Variants in GNG11 observed in about 807,000 individuals in gnomAD.
GNG11 encodes the protein G protein subunit gamma 11.
Under a neutral mutation model 7.4 loss-of-function variants are expected in GNG11, and 6 were observed. The ratio of observed to expected loss-of-function variants is 0.81; its 90% confidence interval spans 0.44 to 1.60. The LOEUF is 1.60. GNG11 is among the 40% of genes most tolerant of loss of function. The pLI, the probability that GNG11 is intolerant of heterozygous loss-of-function variation, is 0.01. For missense variants in GNG11, 65 were observed against 83.0 expected (o/e 0.78, Z 0.84); for synonymous variants, 31 against 25.9 (o/e 1.20, Z -0.60).
Position 93,927,744 on chromosome 7 carries a change from C to G in GNG11, c.*1528C>G, listed in dbSNP as rs1028627783. 6.6e-6 allele frequency: 1 copy of G among 152,008 alleles called. No individual in the cohort carries two copies. The highest frequency in any genetic ancestry group is 2.1e-4 in the South Asian group (1 of 4,810). The allele number at this position is 152,008 out of a possible 1,614,324, so 9.4% of individuals were successfully genotyped here. ...CTTTTGAAAAATAGTTTACACAGAC[C>G]AAAAGCAGAAACTATTTCCTTCAGT... is the stretch of plus-strand genomic sequence containing the variant. On this transcript the variant is annotated 3_prime_UTR_variant, in exon 2 of 2. Transcript: ENST00000248564.
Position 93,927,380 on chromosome 7 carries a change from C to A in GNG11, c.*1164C>A, listed in dbSNP as rs375207046. ...GAAGCCCAAACCTCACAAAAAGGGA[C>A]CTTTCTTTCTCACCTTGAGCATTCT... On this transcript the variant is annotated 3_prime_UTR_variant, in exon 2 of 2. Coordinates refer to ENST00000248564, the MANE Select transcript of GNG11 (RefSeq NM_004126.4). 1 of 152,174 alleles carries A rather than the reference C, an allele frequency of 6.6e-6. No homozygotes were observed. The highest frequency in any genetic ancestry group is 1.5e-5 in the Non-Finnish European group (1 of 68,044). The allele number at this position is 152,174 out of a possible 1,614,324, so 9.4% of individuals were successfully genotyped here. A position where few individuals can be genotyped will look rare whatever the true frequency, so the allele number is the denominator to read the frequency against.
chr7:93,926,317 AAGG>A lies in GNG11; in HGVS notation c.*104_*106del, dbSNP rs878961442. The A allele has an allele frequency of 1.1e-6, 1 of 912,890 alleles. No homozygotes were observed. Among genetic ancestry groups the A allele is most frequent in the Non-Finnish European group, 1.6e-6 (1 of 607,380 alleles). 56.5% of individuals were successfully genotyped at this position (912,890 alleles called of 1,614,324 possible). A position where few individuals can be genotyped will look rare whatever the true frequency, so the allele number is the denominator to read the frequency against. ...TTTAAGGAAGGAAGAATGAAATTAA[AAGG>A]AGACTTTCTTAAGCACCATATAGAT... On this transcript the variant is annotated 3_prime_UTR_variant, in exon 2 of 2. Coordinates refer to ENST00000248564, the MANE Select transcript of GNG11 (RefSeq NM_004126.4).
chr7:93,922,158 A>G lies in GNG11; in HGVS notation c.21A>G (p.Glu7=), dbSNP rs1278285090. MPALHI[E]DLPEKEKLKM... ...CGAAAATGCCTGCCCTTCACATCGA[A>G]GATTTGCCAGAGAAGGAAAAACTGA... The change falls in exon 1 of 2, where the codon GAA becomes GAG. Residue 7 remains glutamate, a synonymous_variant. Transcript: ENST00000248564. 6.3e-7 allele frequency: 1 copy of G among 1,593,630 alleles called. No homozygotes were observed. Among genetic ancestry groups the G allele is most frequent in the Non-Finnish European group, 8.6e-7 (1 of 1,166,236 alleles).
rs576142696 is a variant in GNG11, at chr7:93,924,854, C to T, written c.97-1237C>T. On this transcript the variant is annotated intron_variant, in intron 1 of 1. Coordinates refer to ENST00000248564, the MANE Select transcript of GNG11 (RefSeq NM_004126.4). ...TCAATGGGAACATTTGCCCAGTTTT[C>T]ATAGGTCTCCATTTAAATTTGCTGG... Among the ~76,000 whole-genome samples, 15 of 152,336 alleles carry T rather than the reference C, an allele frequency of 9.8e-5. No individual in the cohort carries two copies. The South Asian group carries it at 2.9e-3, about 29-fold the overall frequency.
rs118050920 is a variant in GNG11 at position 93,924,099 on chromosome 7, G to A, written c.96+1866G>A. Among the ~76,000 whole-genome samples the A allele has an allele frequency of 2.3e-3, 347 of 152,188 alleles. 1 individual carries two copies. The highest frequency in any genetic ancestry group is 3.7e-3 in the Non-Finnish European group (250 of 67,998). On this transcript the variant is annotated intron_variant, in intron 1 of 1. Transcript: ENST00000248564. ...ACAGAGATAGATAGTGATAGGGCAG[G>A]TACTAAAACATTCTTCTTCTCATTC...
chr7:93,925,626 C>T (rs1282249556), intron 1 of GNG11, among the ~76,000 whole-genome samples: 1 of 152,096 alleles, frequency 6.6e-6, no homozygotes, highest in Non-Finnish European at 1.5e-5. Flanking sequence ...TTACACACCC[C>T]AAAACATTTG....
chr7:93,922,414 A>G (rs1794627389), intron 1 of GNG11, among the ~76,000 whole-genome samples, 181 bp downstream of exon 1: 1 of 152,090 alleles, frequency 6.6e-6, no homozygotes, highest in Non-Finnish European at 1.5e-5. Flanking sequence ...CCTAGGAGGT[A>G]GAGGAGGGAG....
chr7:93,926,336 C>T lies in GNG11; in HGVS notation c.*120C>T. On this transcript the variant is annotated 3_prime_UTR_variant, in exon 2 of 2. Transcript: ENST00000248564. ...AATTAAAAGGAGACTTTCTTAAGCA[C>T]CATATAGATAGGGTTATGTATAAAA... 2.8e-6 allele frequency: 2 copies of T among 724,146 alleles called. No individual in the cohort carries two copies. The highest frequency in any genetic ancestry group is 4.5e-6 in the Non-Finnish European group (2 of 442,624). 44.9% of individuals were successfully genotyped at this position (724,146 alleles called of 1,614,324 possible). A position where few individuals can be genotyped will look rare whatever the true frequency, so the allele number is the denominator to read the frequency against.
rs1794690990 is a variant in GNG11 at position 93,927,286 on chromosome 7, C to T, written c.*1070C>T. On this transcript the variant is annotated 3_prime_UTR_variant, in exon 2 of 2. Transcript: ENST00000248564. Reference sequence around the variant, plus strand: ...TACCTTTTCACAGTGACCTTCCCTTCAGTGGTTTTATCCTGCAGGGCAACA... The same window carrying T: ...TACCTTTTCACAGTGACCTTCCCTTTAGTGGTTTTATCCTGCAGGGCAACA... The T allele has an allele frequency of 6.6e-6, 1 of 152,222 alleles. No homozygotes were observed. Among genetic ancestry groups the T allele is most frequent in the Non-Finnish European group, 1.5e-5 (1 of 68,054 alleles). 9.4% of individuals were successfully genotyped at this position (152,222 alleles called of 1,614,324 possible). A position where few individuals can be genotyped will look rare whatever the true frequency, so the allele number is the denominator to read the frequency against.
chr7:93,922,103 G>A lies in GNG11; in HGVS notation c.-35G>A, dbSNP rs768329838. ...TCGCCGCTCTTCCAGCGGCTCCGCT[G>A]CCAGAGCTAGCCCGAGCCCGGTTCT... On this transcript the variant is annotated 5_prime_UTR_variant, in exon 1 of 2. Coordinates refer to ENST00000248564, the MANE Select transcript of GNG11 (RefSeq NM_004126.4). 1 of 1,365,658 alleles carries A rather than the reference G, an allele frequency of 7.3e-7. No individual in the cohort carries two copies. The highest frequency in any genetic ancestry group is 1.0e-6 in the Non-Finnish European group (1 of 987,374). 84.6% of individuals were successfully genotyped at this position (1,365,658 alleles called of 1,614,324 possible). A position where few individuals can be genotyped will look rare whatever the true frequency, so the allele number is the denominator to read the frequency against.
At chr7:93,923,722 T>C (rs1343980074) in intron 1 of GNG11, among the ~76,000 whole-genome samples, 4 of 152,212 alleles carry the variant, frequency 2.6e-5, no homozygotes, top group African/African-American at 9.6e-5. Context: ...AGTTAAGTGA[T>C]GTGGATGCAA....
rs1226509401 is a variant in GNG11 at position 93,926,590 on chromosome 7, G to A, written c.*374G>A. The stretch of plus-strand genomic sequence containing the variant: ...TTTCTCCCCGTAATCTTTTGGGTGT[G>A]GAGTATGATTGGGTTTGGAATATGA... On this transcript the variant is annotated 3_prime_UTR_variant, in exon 2 of 2. Transcript: ENST00000248564. 1.3e-5 allele frequency: 2 copies of A among 155,662 alleles called. No individual in the cohort carries two copies. Among genetic ancestry groups the A allele is most frequent in the Non-Finnish European group, 2.8e-5 (2 of 70,496 alleles). 9.6% of individuals were successfully genotyped at this position (155,662 alleles called of 1,614,324 possible). A position where few individuals can be genotyped will look rare whatever the true frequency, so the allele number is the denominator to read the frequency against.
At chr7:93,924,859 G>C (rs1309314376) in intron 1 of GNG11, among the ~76,000 whole-genome samples, 1 of 152,124 alleles carries the variant, frequency 6.6e-6, no homozygotes, top group Non-Finnish European at 1.5e-5. Flanking sequence ...GTTTTCATAG[G>C]TCTCCATTTA....
Position 93,926,282 on chromosome 7 carries a change from C to T in GNG11, c.*66C>T. 1 of 1,211,378 alleles carries T rather than the reference C, an allele frequency of 8.3e-7. No individual in the cohort carries two copies. Among genetic ancestry groups the T allele is most frequent in the Non-Finnish European group, 1.1e-6 (1 of 871,434 alleles). The allele number at this position is 1,211,378 out of a possible 1,614,324, so 75.0% of individuals were successfully genotyped here. ...TTGTTTTAGTTTTCCCAGATAAAAC[C>T]AACATGCTTTTTAAGGAAGGAAGAA... On this transcript the variant is annotated 3_prime_UTR_variant, in exon 2 of 2. Coordinates refer to ENST00000248564, the MANE Select transcript of GNG11 (RefSeq NM_004126.4).
intron 1 of GNG11, among the ~76,000 whole-genome samples, chr7:93,923,202 G>A (rs545508650): frequency 2.3e-4 from 35 of 152,244 alleles, no homozygotes; most frequent in African/African-American, 7.7e-4. Context: ...GAAATGAAGC[G>A]TTATAATATG....
intron 1 of GNG11, among the ~76,000 whole-genome samples, chr7:93,924,950 G>T (rs1309669558): frequency 6.6e-6 from 1 of 152,186 alleles, no homozygotes; most frequent in Non-Finnish European, 1.5e-5. Flanking sequence ...GGATCACGAG[G>T]TCAGGAGATC....
rs1794688468 is a variant in GNG11 at position 93,927,070 on chromosome 7, C to T, written c.*854C>T. ...CTTGGACCTCTGCACTCATGCTTGC[C>T]AGCATTTTCCAGCAGGCCTGGGCCA... On this transcript the variant is annotated 3_prime_UTR_variant, in exon 2 of 2. Transcript: ENST00000248564. 6.6e-6 allele frequency: 1 copy of T among 152,252 alleles called. No individual in the cohort carries two copies. Among genetic ancestry groups the T allele is most frequent in the Admixed American group, 6.5e-5 (1 of 15,278 alleles). The allele number at this position is 152,252 out of a possible 1,614,324, so 9.4% of individuals were successfully genotyped here. A position where few individuals can be genotyped will look rare whatever the true frequency, so the allele number is the denominator to read the frequency against.
Position 93,927,090 on chromosome 7 carries a change from G to A in GNG11, c.*874G>A, listed in dbSNP as rs1356013803. ...CTTGCCAGCATTTTCCAGCAGGCCT[G>A]GGCCAAACATGCCTTTTTTTCTTCT... On this transcript the variant is annotated 3_prime_UTR_variant, in exon 2 of 2. Coordinates refer to ENST00000248564, the MANE Select transcript of GNG11 (RefSeq NM_004126.4). 6.6e-6 allele frequency: 1 copy of A among 152,274 alleles called. No homozygotes were observed. Among genetic ancestry groups the A allele is most frequent in the East Asian group, 1.9e-4 (1 of 5,194 alleles). The allele number at this position is 152,274 out of a possible 1,614,324, so 9.4% of individuals were successfully genotyped here. A position where few individuals can be genotyped will look rare whatever the true frequency, so the allele number is the denominator to read the frequency against.
chr7:93,922,319 T>G, intron 1 of GNG11, 86 bp downstream of exon 1: 1 of 714,020 alleles, frequency 1.4e-6, no homozygotes, highest in Non-Finnish European at 2.3e-6. Flanking sequence ...AGCAAATAGT[T>G]TAGCTTATTT....
Sources: gnomAD v4.1 joint callset for allele counts (sites outside exome capture counted in the v4.1 genomes callset) on GRCh38, gnomAD v4.1.1 for gene constraint, MANE v1.5 for transcripts, NCBI Gene and HGNC (gene_info 2026-07-23, HGNC 2026-07-21) for gene names.